Variants in C1orf87 observed in about 807,000 individuals in gnomAD.
The protein encoded by C1orf87 is uncharacterized protein C1orf87.
Under a neutral mutation model 60.5 loss-of-function variants are expected in C1orf87, and 58 were observed. That is an observed-to-expected ratio of 0.96 (90% CI 0.78 to 1.19). The LOEUF is 1.19. Ranked by LOEUF, C1orf87 falls within the 50% of genes most tolerant of loss-of-function variation. The pLI is 0.00. For synonymous variants in C1orf87, 236 were observed against 227.4 expected (o/e 1.04, Z -0.34); for missense variants, 673 against 638.6 (o/e 1.05, Z -0.58).
At position 60,072,528 on chromosome 1, in the gene C1orf87, T is replaced by A. The variant is rs766683715; in HGVS notation, c.107+9A>T. On this transcript the variant is annotated intron_variant, in intron 2 of 11. Coordinates refer to ENST00000371201, the MANE Select transcript of C1orf87 (RefSeq NM_152377.3). Reference sequence around the variant, plus strand: ...AAGCAACATAGATATTTTTCAAATATGGACTTACATCTTTGGCTTCTCCAC... The same window carrying A: ...AAGCAACATAGATATTTTTCAAATAAGGACTTACATCTTTGGCTTCTCCAC... 3 of 1,576,920 alleles carry A rather than the reference T, an allele frequency of 1.9e-6. No homozygotes were observed. Among genetic ancestry groups the A allele is most frequent in the African/African-American group, 2.7e-5 (2 of 73,772 alleles).
intron 2 of C1orf87, among the ~76,000 whole-genome samples, chr1:60,058,138 A>T (rs1484822206): frequency 1.3e-5 from 2 of 152,242 alleles, no homozygotes; most frequent in Non-Finnish European, 2.9e-5. Flanking sequence ...TTGTCCAAAA[A>T]TAATGCAAAC....
intron 2 of C1orf87, among the ~76,000 whole-genome samples, chr1:60,058,371 T>G (rs1345946723): frequency 6.6e-6 from 1 of 152,350 alleles, no homozygotes; most frequent in East Asian, 1.9e-4. Flanking sequence ...AGGTATGTTG[T>G]ATCTCTATAA....
intron 10 of C1orf87, among the ~76,000 whole-genome samples, chr1:59,998,996 CA>C (rs1262714770): frequency 6.6e-6 from 1 of 152,070 alleles, no homozygotes; most frequent in African/African-American, 2.4e-5. Context: ...ATTAATTCAC[CA>C]TAAAATTATG....
intron 9 of C1orf87, among the ~76,000 whole-genome samples, chr1:60,003,997 G>A (rs562354337): frequency 6.6e-5 from 10 of 152,136 alleles, no homozygotes; most frequent in Non-Finnish European, 1.2e-4. Context: ...TCTGTTGAAC[G>A]TTTAAGTTGT....
At chr1:59,993,794 T>G (rs1426957302) in intron 11 of C1orf87, among the ~76,000 whole-genome samples, 1 of 151,194 alleles carries the variant, frequency 6.6e-6, no homozygotes, top group East Asian at 1.9e-4. Context: ...GTTTTGCTCT[T>G]GTTGCCCAGG....
chr1:60,021,413 G>C (rs890979979), intron 8 of C1orf87, among the ~76,000 whole-genome samples: 1 of 152,182 alleles, frequency 6.6e-6, no homozygotes, highest in African/African-American at 2.4e-5. Context: ...ATGACTGGGT[G>C]CCATGAGAGA....
chr1:59,991,159 G>A (rs1301877780), intron 11 of C1orf87, among the ~76,000 whole-genome samples: 1 of 152,186 alleles, frequency 6.6e-6, no homozygotes, highest in African/African-American at 2.4e-5. Flanking sequence ...CACTGGGGGT[G>A]CCTAGCAAAA....
At chr1:60,006,943 A>C (rs1355325247) in intron 9 of C1orf87, among the ~76,000 whole-genome samples, 2 of 148,950 alleles carry the variant, frequency 1.3e-5, no homozygotes, top group African/African-American at 2.5e-5. Context: ...ACAGGGTCTC[A>C]CTCTTTTGCA....
At chr1:60,014,705 C>T (rs1645113364) in intron 8 of C1orf87, among the ~76,000 whole-genome samples, 1 of 152,142 alleles carries the variant, frequency 6.6e-6, no homozygotes. Context: ...AAGCCCATTA[C>T]CTTTCTTTGC....
At chr1:60,047,906 C>T (rs1645384737) in intron 3 of C1orf87, among the ~76,000 whole-genome samples, 1 of 152,006 alleles carries the variant, frequency 6.6e-6, no homozygotes, top group East Asian at 1.9e-4. Flanking sequence ...AATGAAGTCA[C>T]TGTGTTTTAA....
chr1:60,063,794 G>A lies in C1orf87; in HGVS notation c.108-8356C>T, dbSNP rs532366411. ...AGTGGCAGAAAAGCAGCAGGTATAT[G>A]GGTTCCCTGATCCTGAGCACTGTGC... On this transcript the variant is annotated intron_variant, in intron 2 of 11. Transcript: ENST00000371201. Among the ~76,000 whole-genome samples, 3 of 152,258 alleles carry A rather than the reference G, an allele frequency of 2.0e-5. No individual in the cohort carries two copies. In the East Asian group the frequency reaches 5.8e-4, roughly 29 times the overall value.
At chr1:60,009,493 A>G (rs1645067837) in intron 9 of C1orf87, among the ~76,000 whole-genome samples, 2 of 151,962 alleles carry the variant, frequency 1.3e-5, no homozygotes, top group African/African-American at 2.4e-5. Flanking sequence ...TATACTCACC[A>G]TATTCTTTTT....
chr1:60,040,846 G>A (rs1249653061), intron 4 of C1orf87, 145 bp downstream of exon 4: 2 of 797,936 alleles, frequency 2.5e-6, no homozygotes, highest in East Asian at 3.0e-5. Context: ...TCCCAGCTTG[G>A]CTTCTCAAAG....
chr1:60,061,508 T>C (rs1645496392), intron 2 of C1orf87, among the ~76,000 whole-genome samples: 1 of 152,090 alleles, frequency 6.6e-6, no homozygotes, highest in African/African-American at 2.4e-5. Context: ...TTTTCCTATA[T>C]TGTTGAACAT....
rs12059089 is a variant in C1orf87, at chr1:60,064,721, T to A, written c.107+7816A>T. Among the ~76,000 whole-genome samples the A allele has an allele frequency of 9.4e-3, 929 of 98,320 alleles. 19 individuals carry two copies. Among genetic ancestry groups the A allele is most frequent in the African/African-American group, 0.035 (861 of 24,470 alleles). 64.5% of individuals were successfully genotyped at this position (98,320 alleles called of 152,430 possible). ...TATATTATTTCAATATATATAAATA[T>A]ATTTAAATATATTTAAATAGAATAT... On this transcript the variant is annotated intron_variant, in intron 2 of 11. Coordinates refer to ENST00000371201, the MANE Select transcript of C1orf87 (RefSeq NM_152377.3).
intron 8 of C1orf87, among the ~76,000 whole-genome samples, chr1:60,012,763 C>T (rs551419129): frequency 7.2e-5 from 11 of 152,202 alleles, no homozygotes; most frequent in African/African-American, 2.6e-4. Flanking sequence ...ACTTTTTGTG[C>T]ATTATCTCAT....
chr1:60,067,467 A>C (rs1645554741), intron 2 of C1orf87, among the ~76,000 whole-genome samples: 1 of 150,626 alleles, frequency 6.6e-6, no homozygotes, highest in South Asian at 2.1e-4. Context: ...TAATGACCAG[A>C]GATGGTGAGC....
rs984414021 is a variant in C1orf87 at position 60,048,453 on chromosome 1, G to A, written c.342+6751C>T. On this transcript the variant is annotated intron_variant, in intron 3 of 11. Transcript: ENST00000371201. Reference sequence around the variant, plus strand: ...TTCCTTTCCCTGAGAAACAGTAGCAGGTAATACATGTTTATTGATTTGAGT... The same window carrying A: ...TTCCTTTCCCTGAGAAACAGTAGCAAGTAATACATGTTTATTGATTTGAGT... Among the ~76,000 whole-genome samples the A allele has an allele frequency of 2.6e-5, 4 of 152,114 alleles. No individual in the cohort carries two copies. The East Asian group carries it at 5.8e-4, about 22-fold the overall frequency.
In C1orf87 at chr1:60,010,389, C is replaced by T. The variant is rs1454859108; in HGVS notation, c.1192+3G>A. 2 of 1,611,368 alleles carry T rather than the reference C, an allele frequency of 1.2e-6. No homozygotes were observed. The highest frequency in any genetic ancestry group is 1.3e-5 in the African/African-American group (1 of 74,720). On this transcript the variant is annotated splice_donor_region_variant and intron_variant, in intron 9 of 11. Coordinates refer to ENST00000371201, the MANE Select transcript of C1orf87 (RefSeq NM_152377.3). The stretch of plus-strand genomic sequence containing the variant: ...TCTGGAGCAAAAAAATAATGGAACT[C>T]ACCTGTAGGCAAATCAGATAACAAA...
Sources: allele counts gnomAD v4.1 joint callset (sites outside exome capture counted in the v4.1 genomes callset), GRCh38; gene constraint gnomAD v4.1.1; transcripts MANE v1.5; gene names NCBI Gene and HGNC (gene_info 2026-07-23, HGNC 2026-07-21).